The following TREM1 variants were observed in gnomAD, a reference collection of about 807,000 sequenced individuals.
TREM1 encodes the protein triggering receptor expressed on monocytes 1.
TREM1 carries 16 observed loss-of-function variants against 22.4 expected under a neutral mutation model. That is an observed-to-expected ratio of 0.71 (90% CI 0.48 to 1.08). The LOEUF (loss-of-function observed/expected upper bound fraction) is 1.08. Among genes scored for constraint, TREM1 ranks in the 50% least tolerant of loss-of-function variants. The pLI is 0.00. For missense variants in TREM1, 283 were observed against 282.9 expected (o/e 1.00, Z 0.00); for synonymous variants, 110 against 111.6 (o/e 0.99, Z 0.09).
At chr6:41,279,602 G>T in intron 3 of TREM1, 1 of 985,390 alleles carries the variant, frequency 1.0e-6, no homozygotes, top group Non-Finnish European at 1.2e-6. Context: ...ACAACATAAT[G>T]GGGAAAAAGG....
Position 41,282,762 on chromosome 6 carries a change from G to T in TREM1, c.50-11C>A. The T allele has an allele frequency of 6.2e-7, 1 of 1,602,190 alleles. No individual in the cohort carries two copies. The highest frequency in any genetic ancestry group is 8.5e-7 in the Non-Finnish European group (1 of 1,173,488). ...TTGCAGCTCGGAGTTCTATAAGCAGGGAAAGAGAATGGGTTCTGTGAGGAA... is the reference window on the plus strand; with the variant it reads ...TTGCAGCTCGGAGTTCTATAAGCAGTGAAAGAGAATGGGTTCTGTGAGGAA... On this transcript the variant is annotated splice_polypyrimidine_tract_variant and intron_variant, in intron 1 of 3. Transcript: ENST00000244709.
At chr6:41,283,028 A>G (rs1024392814) in intron 1 of TREM1, among the ~76,000 whole-genome samples, 2 of 152,220 alleles carry the variant, frequency 1.3e-5, no homozygotes, top group East Asian at 3.9e-4. Flanking sequence ...TTTGAGAGGA[A>G]GAAACTGCCT....
chr6:41,268,710 A>G (rs1040507854), downstream of TREM1, among the ~76,000 whole-genome samples: 35 of 152,178 alleles, frequency 2.3e-4, no homozygotes, highest in African/African-American at 8.2e-4. Flanking sequence ...AGAATCCACA[A>G]TCTTCTATTG....
downstream of TREM1, among the ~76,000 whole-genome samples, chr6:41,270,440 TTATATAATATATATATATATATA>T (rs1452722805): frequency 0.022 from 1,584 of 72,364 alleles, 51 homozygotes; most frequent in African/African-American, 0.076. Flanking sequence ...ATATATGATA[TTATATAATATATATATATATATA>T]TATATATATA....
At chr6:41,281,477 T>A in intron 2 of TREM1, 1 of 316,996 alleles carries the variant, frequency 3.2e-6, no homozygotes. Flanking sequence ...GGAAATGAAC[T>A]TGCCTTCTGT....
Position 41,274,051 on chromosome 6 carries a change from C to T in TREM1, c.*2074G>A, listed in dbSNP as rs1198053828. ...GTATCCAGCACGGCCATTTGTCTTCCGATTTAGTGCATATAATATTTCAGT... is the reference window on the plus strand; with the variant it reads ...GTATCCAGCACGGCCATTTGTCTTCTGATTTAGTGCATATAATATTTCAGT... On this transcript the variant is annotated 3_prime_UTR_variant, in exon 4 of 4. Coordinates refer to ENST00000244709, the MANE Select transcript of TREM1 (RefSeq NM_018643.5). Among the ~76,000 whole-genome samples, 2 of 152,170 alleles carry T rather than the reference C, an allele frequency of 1.3e-5. No individual in the cohort carries two copies. The highest frequency in any genetic ancestry group is 4.8e-5 in the African/African-American group (2 of 41,430).
intron 3 of TREM1, 150 bp from the exon 4 acceptor site, chr6:41,276,380 CTG>C: frequency 3.1e-6 from 2 of 652,070 alleles, no homozygotes; most frequent in Non-Finnish European, 5.5e-6. Context: ...GCTTTTCAGT[CTG>C]TCTCATTGCC....
intron 3 of TREM1, among the ~76,000 whole-genome samples, chr6:41,278,433 G>A (rs1253212931): frequency 1.3e-5 from 2 of 151,860 alleles, no homozygotes; most frequent in African/African-American, 4.8e-5. Flanking sequence ...ACTTTGGGAG[G>A]CCGAGGTGGG....
At chr6:41,272,336 T>A (rs979576076), downstream of TREM1, among the ~76,000 whole-genome samples, 1 of 152,132 alleles carries the variant, frequency 6.6e-6, no homozygotes, top group African/African-American at 2.4e-5. Context: ...TCCTCATCAC[T>A]GACCACTGAC....
Position 41,282,380 on chromosome 6 carries a change from T to A in TREM1, c.406+15A>T. On this transcript the variant is annotated intron_variant, in intron 2 of 3. Coordinates refer to ENST00000244709, the MANE Select transcript of TREM1 (RefSeq NM_018643.5). ...CACCTGGCCCTTCTTTCCCCCCAAG[T>A]CCCAGGCCACTCACCCTTGGTCACC... is the stretch of plus-strand genomic sequence containing the variant. 1 of 1,587,982 alleles carries A rather than the reference T, an allele frequency of 6.3e-7. No individual in the cohort carries two copies. The highest frequency in any genetic ancestry group is 8.6e-7 in the Non-Finnish European group (1 of 1,162,492).
rs1458139532 is a variant in TREM1 at position 41,274,350 on chromosome 6, G to A, written c.*1775C>T. Among the ~76,000 whole-genome samples the A allele has an allele frequency of 6.6e-6, 1 of 152,086 alleles. No homozygotes were observed. Among genetic ancestry groups the A allele is most frequent in the African/African-American group, 2.4e-5 (1 of 41,410 alleles). ...CTGATGCGGTGGCCTAAAGACCTCTGAAAAACATTGCCCTCATGTGTTCTG... is the reference window on the plus strand; with the variant it reads ...CTGATGCGGTGGCCTAAAGACCTCTAAAAAACATTGCCCTCATGTGTTCTG... On this transcript the variant is annotated 3_prime_UTR_variant, in exon 4 of 4. Transcript: ENST00000244709.
intron 2 of TREM1, chr6:41,282,121 G>A (rs1767945456): frequency 2.7e-6 from 1 of 370,848 alleles, no homozygotes. Flanking sequence ...CTTCTAAGTG[G>A]AGAACAAAGA....
At chr6:41,267,873 A>G (rs984918611), downstream of TREM1, 10 of 398,256 alleles carry the variant, frequency 2.5e-5, no homozygotes, top group East Asian at 1.1e-4. Context: ...CAAAAGCTAA[A>G]GCTAAAACAA....
At chr6:41,271,302 T>C (rs907230566), downstream of TREM1, among the ~76,000 whole-genome samples, 3 of 152,156 alleles carry the variant, frequency 2.0e-5, no homozygotes, top group Non-Finnish European at 1.5e-5. Context: ...AAGACAACCC[T>C]CTGATACCTG....
In TREM1 at chr6:41,279,097, T is replaced by C. The variant is rs566321482; in HGVS notation, c.599+1864A>G. Among the ~76,000 whole-genome samples the C allele has an allele frequency of 3.2e-4, 48 of 152,342 alleles. No individual in the cohort carries two copies. The South Asian group carries it at 9.9e-3, about 32-fold the overall frequency. ...CCTCCCCCTTCCACCACGTCTCAGC[T>C]GGAAAGGGAGAGTGTCTTAGATTGG... On this transcript the variant is annotated intron_variant, in intron 3 of 3. Coordinates refer to ENST00000244709, the MANE Select transcript of TREM1 (RefSeq NM_018643.5).
chr6:41,277,658 C>A (rs934997592), intron 3 of TREM1, among the ~76,000 whole-genome samples: 2 of 152,202 alleles, frequency 1.3e-5, no homozygotes, highest in Admixed American at 6.5e-5. Context: ...AAGCTACCAA[C>A]CCCCTGAAGG....
intron 1 of TREM1, among the ~76,000 whole-genome samples, chr6:41,284,974 C>T (rs537393557): frequency 3.9e-5 from 6 of 152,298 alleles, no homozygotes; most frequent in Non-Finnish European, 8.8e-5. Flanking sequence ...AAGCCTGGTT[C>T]CCTCATTTGT....
rs371580779 is a variant in TREM1 at position 41,275,983 on chromosome 6, C to T, written c.*142G>A. 12 of 655,790 alleles carry T rather than the reference C, an allele frequency of 1.8e-5. No homozygotes were observed. Among genetic ancestry groups the T allele is most frequent in the East Asian group, 1.6e-4 (6 of 36,592 alleles). The allele number at this position is 655,790 out of a possible 1,614,324, so 40.6% of individuals were successfully genotyped here. ...GAGGGCAGTGGGCAGGAAGGTGAGA[C>T]GCTGACTTTAGAAATAGCCGGTGAT... On this transcript the variant is annotated 3_prime_UTR_variant, in exon 4 of 4. Transcript: ENST00000244709.
downstream of TREM1, chr6:41,269,905 C>A (rs560877299): frequency 1.3e-5 from 2 of 152,352 alleles, no homozygotes; most frequent in Admixed American, 1.3e-4. Context: ...TCCGATGGTG[C>A]AGGACAAAGG....
Sources: gnomAD v4.1 joint callset for allele counts (sites outside exome capture counted in the v4.1 genomes callset) on GRCh38, gnomAD v4.1.1 for gene constraint, MANE v1.5 for transcripts, NCBI Gene and HGNC (gene_info 2026-07-23, HGNC 2026-07-21) for gene names.